Variants in MRPL16 observed in about 807,000 individuals in gnomAD.
MRPL16 encodes the protein mitochondrial ribosomal protein L16, also known as large ribosomal subunit protein uL16m.
Under a neutral mutation model 22.7 loss-of-function variants are expected in MRPL16, and 17 were observed. That is an observed-to-expected ratio of 0.75 (90% CI 0.51 to 1.12). The LOEUF (loss-of-function observed/expected upper bound fraction) is 1.12, where lower values mean the gene tolerates loss of function less well. MRPL16 is among the 50% of genes most tolerant of loss of function. The probability of loss-of-function intolerance (pLI) is 0.00; values close to 1 mark genes in which losing one functional copy is unlikely to be tolerated. For synonymous variants in MRPL16, 103 were observed against 112.8 expected (o/e 0.91, Z 0.55); for missense variants, 316 against 328.7 (o/e 0.96, Z 0.30).
intron 3 of MRPL16, 134 bp from the exon 4 acceptor site, chr11:59,806,966 A>G: frequency 7.7e-7 from 1 of 1,291,124 alleles, no homozygotes; most frequent in Non-Finnish European, 1.0e-6. Flanking sequence ...AATAAGTCCC[A>G]TGGAGGAAAA....
At chr11:59,806,853 T>C in intron 3 of MRPL16, 21 bp from the exon 4 acceptor site, 1 of 1,596,408 alleles carries the variant, frequency 6.3e-7, no homozygotes, top group Non-Finnish European at 8.6e-7. Flanking sequence ...ATGGGAGAAT[T>C]AGAAACACAT....
Position 59,809,898 on chromosome 11 carries a change from G to A in MRPL16, c.78C>T (p.Ala26=). ...PLSDSWALLP[A]SAGVKTLLPV... ...GGAGCAGTGTCTTTACGCCAGCACT[G>A]GCGGGGAGGAGTGCCCAGGAATCTA... Residue 26 remains alanine (A), a synonymous_variant, in exon 2 of 4, where the codon GCC becomes GCT. Coordinates refer to ENST00000300151, the MANE Select transcript of MRPL16 (RefSeq NM_017840.4). 1.2e-6 allele frequency: 2 copies of A among 1,613,436 alleles called. No homozygotes were observed. The highest frequency in any genetic ancestry group is 2.2e-5 in the East Asian group (1 of 44,864).
At chr11:59,809,285 G>A (rs1866147977) in intron 2 of MRPL16, among the ~76,000 whole-genome samples, 1 of 151,934 alleles carries the variant, frequency 6.6e-6, no homozygotes, top group East Asian at 1.9e-4. Context: ...AACTTATTTG[G>A]AAAGAACATC....
Position 59,806,536 on chromosome 11 carries a change from A to G in MRPL16, c.567T>C (p.Ala189=), listed in dbSNP as rs766868786. 1 of 1,614,212 alleles carries G rather than the reference A, an allele frequency of 6.2e-7. No individual in the cohort carries two copies. The highest frequency in any genetic ancestry group is 1.3e-5 in the African/African-American group (1 of 75,032). ...TCTTCTCTAGAGTCCCGCGGCTCAC[A>G]GCCTTTGCTGCGAAGGGCAACTTGT... ...VAHKLPFAAK[A]VSRGTLEKMR... is the part of the protein sequence containing the mutation. Residue 189 remains alanine (A), a synonymous_variant, in exon 4 of 4, where the codon GCT becomes GCC. Transcript: ENST00000300151.
rs376707928 is a variant in MRPL16 at position 59,806,772 on chromosome 11, G to A, written c.331C>T (p.Arg111Cys). ...AACATGTTCTTGGGGTCCATAGAGC[G>A]GTTGATTGTCAGGCGCATCATTTCA... is the stretch of plus-strand genomic sequence containing the variant. ...HFEMMRLTIN[R>C]SMDPKNMFAI... is the part of the protein sequence containing the mutation. Residue 111 changes from arginine to cysteine, a missense_variant, in exon 4 of 4, where the codon CGC becomes TGC. Transcript: ENST00000300151. 1.1e-5 allele frequency: 17 copies of A among 1,613,538 alleles called. No homozygotes were observed. The highest frequency in any genetic ancestry group is 2.2e-5 in the South Asian group (2 of 91,082).
In MRPL16 at chr11:59,806,371, C is replaced by T; in HGVS notation, c.732G>A (p.Lys244=). The change falls in exon 4 of 4, where the codon AAG becomes AAA. Residue 244 remains lysine, a synonymous_variant. Coordinates refer to ENST00000300151, the MANE Select transcript of MRPL16 (RefSeq NM_017840.4). ...ACTACACACGTTTGGGCATGTAGAA[C>T]TTGCCCCAGTATTTCCCCTTGTGGG... ...DLTHKGKYWG[K]FYMPKRV is the part of the protein sequence containing the mutation. 1 of 1,614,190 alleles carries T rather than the reference C, an allele frequency of 6.2e-7. No homozygotes were observed. Among genetic ancestry groups the T allele is most frequent in the Non-Finnish European group, 8.5e-7 (1 of 1,180,012 alleles).
At position 59,810,044 on chromosome 11, in the gene MRPL16, C is replaced by T. The variant is rs1163170685; in HGVS notation, c.56-124G>A. ...TTTTTGAGACGGAGTCTTACTCTGT[C>T]GCCCAGGATCCAGTGCAGTGGCGCG... On this transcript the variant is annotated intron_variant, in intron 1 of 3. Coordinates refer to ENST00000300151, the MANE Select transcript of MRPL16 (RefSeq NM_017840.4). The T allele has an allele frequency of 3.5e-5, 29 of 839,800 alleles. No homozygotes were observed. In the South Asian group the frequency reaches 5.0e-4, roughly 14 times the overall value. The allele number at this position is 839,800 out of a possible 1,614,324, so 52.0% of individuals were successfully genotyped here.
chr11:59,810,077 C>G, intron 1 of MRPL16, 157 bp from the exon 2 acceptor site: 3 of 656,616 alleles, frequency 4.6e-6, no homozygotes, highest in Middle Eastern at 4.4e-4. Flanking sequence ...GCGATCTCGG[C>G]TCACTGCAAC....
chr11:59,809,704 AT>A, intron 2 of MRPL16, 150 bp downstream of exon 2: 1 of 762,164 alleles, frequency 1.3e-6, no homozygotes, highest in East Asian at 2.8e-5. Flanking sequence ...TGCTCAGAAT[AT>A]TAGTTGGCAA....
At chr11:59,809,750 G>A in intron 2 of MRPL16, 105 bp downstream of exon 2, 1 of 960,016 alleles carries the variant, frequency 1.0e-6, no homozygotes, top group South Asian at 1.5e-5. Context: ...TATTGAAAGA[G>A]TGAACGGGGA....
intron 2 of MRPL16, 59 bp downstream of exon 2, chr11:59,809,796 C>T (rs1217031999): frequency 2.1e-5 from 30 of 1,459,602 alleles, no homozygotes; most frequent in Non-Finnish European, 2.8e-5. Flanking sequence ...TCATCTCCCA[C>T]CCGCTCCTGG....
At position 59,809,866 on chromosome 11, in the gene MRPL16, G is replaced by A. The variant is rs1866155145; in HGVS notation, c.110C>T (p.Pro37Leu). The change falls in exon 2 of 4, where the codon CCA (proline) becomes CTA (leucine). Residue 37 changes from proline to leucine, a missense_variant. By Grantham distance (98) the Pro-to-Leu change is moderately conservative. Transcript: ENST00000300151. ...SAGVKTLLPV[P>L]SFEDVSIPEK... Reference sequence around the variant, plus strand: ...AGACAAGCTCTCACCTTCAAAACTTGGTACTGGGAGCAGTGTCTTTACGCC... The same window carrying A: ...AGACAAGCTCTCACCTTCAAAACTTAGTACTGGGAGCAGTGTCTTTACGCC... The A allele has an allele frequency of 6.2e-7, 1 of 1,612,922 alleles. No homozygotes were observed. Among genetic ancestry groups the A allele is most frequent in the Non-Finnish European group, 8.5e-7 (1 of 1,179,470 alleles).
At position 59,810,627 on chromosome 11, in the gene MRPL16, G is replaced by C; in HGVS notation, c.32C>G (p.Pro11Arg). The C allele has an allele frequency of 1.9e-6, 3 of 1,614,156 alleles. No individual in the cohort carries two copies. The highest frequency in any genetic ancestry group is 2.5e-6 in the Non-Finnish European group (3 of 1,179,990). MWRLLARASA[P>R]LLRVPLSDSW... Reference sequence around the variant, plus strand: ...ACCTGACAAGGGCACCCGCAGGAGCGGCGCACTAGCGCGAGCCAGCAGCCT... The same window carrying C: ...ACCTGACAAGGGCACCCGCAGGAGCCGCGCACTAGCGCGAGCCAGCAGCCT... Residue 11 changes from proline to arginine, a missense_variant, in exon 1 of 4, where the codon CCG becomes CGG. Coordinates refer to ENST00000300151, the MANE Select transcript of MRPL16 (RefSeq NM_017840.4).
intron 1 of MRPL16, chr11:59,810,208 C>T (rs185093809): frequency 1.3e-5 from 12 of 914,250 alleles, no homozygotes; most frequent in Non-Finnish European, 1.4e-6. Context: ...AGGGTTTCAC[C>T]ATGTTGGCCA....
In MRPL16 at chr11:59,806,157, A is replaced by C. The variant is rs1590846001; in HGVS notation, c.*190T>G. ...AAGTTATATCCTGAAGTGATGTTTA[A>C]ATTTTATTTAATAAAAATACAGTTT... On this transcript the variant is annotated 3_prime_UTR_variant, in exon 4 of 4. Transcript: ENST00000300151. 7 of 612,690 alleles carry C rather than the reference A, an allele frequency of 1.1e-5. No individual in the cohort carries two copies. Among genetic ancestry groups the C allele is most frequent in the South Asian group, 2.5e-5 (1 of 39,548 alleles). 38.0% of individuals were successfully genotyped at this position (612,690 alleles called of 1,614,324 possible).
intron 1 of MRPL16, 120 bp from the exon 2 acceptor site, chr11:59,810,040 C>G (rs1049682395): frequency 1.1e-6 from 1 of 870,038 alleles, no homozygotes; most frequent in South Asian, 1.9e-5. Flanking sequence ...GAGTCTTACT[C>G]TGTCGCCCAG....
At chr11:59,807,451 T>C in intron 3 of MRPL16, 1 of 320,730 alleles carries the variant, frequency 3.1e-6, no homozygotes, top group Non-Finnish European at 5.6e-6. Context: ...ATGATCTGAT[T>C]ATGGGGCACA....
chr11:59,809,892 A>G lies in MRPL16; in HGVS notation c.84T>C (p.Ala28=), dbSNP rs1453168693. The G allele has an allele frequency of 1.9e-6, 3 of 1,613,470 alleles. No individual in the cohort carries two copies. The highest frequency in any genetic ancestry group is 2.5e-6 in the Non-Finnish European group (3 of 1,179,920). ...SDSWALLPAS[A]GVKTLLPVPS... ...GTACTGGGAGCAGTGTCTTTACGCC[A>G]GCACTGGCGGGGAGGAGTGCCCAGG... Residue 28 remains alanine, a synonymous_variant, in exon 2 of 4, where the codon GCT becomes GCC. Coordinates refer to ENST00000300151, the MANE Select transcript of MRPL16 (RefSeq NM_017840.4).
At position 59,806,288 on chromosome 11, in the gene MRPL16, G is replaced by T; in HGVS notation, c.*59C>A. The T allele has an allele frequency of 6.4e-7, 1 of 1,562,640 alleles. No individual in the cohort carries two copies. The highest frequency in any genetic ancestry group is 8.7e-7 in the Non-Finnish European group (1 of 1,149,156). ...AAAGACTTCAGTGGGTAGGCTGAGGGGAATAGAAATGCAGAATCCTTCTTT... is the reference window on the plus strand; with the variant it reads ...AAAGACTTCAGTGGGTAGGCTGAGGTGAATAGAAATGCAGAATCCTTCTTT... On this transcript the variant is annotated 3_prime_UTR_variant, in exon 4 of 4. Transcript: ENST00000300151.
Sources: allele counts gnomAD v4.1 joint callset (sites outside exome capture counted in the v4.1 genomes callset), GRCh38; gene constraint gnomAD v4.1.1; transcripts MANE v1.5; gene names NCBI Gene and HGNC (gene_info 2026-07-23, HGNC 2026-07-21).